Variants in ABCG1 observed in about 807,000 individuals in gnomAD.
The protein encoded by ABCG1 is ATP-binding cassette sub-family G member 1.
Under a neutral mutation model 69.2 loss-of-function variants are expected in ABCG1, and 29 were observed. The ratio of observed to expected loss-of-function variants is 0.42; its 90% CI spans 0.31 to 0.57. The LOEUF is 0.57. Ranked by LOEUF, ABCG1 falls within the 20% of genes least tolerant of loss-of-function variation. ABCG1 has a pLI of 0.15. For missense variants in ABCG1, 718 were observed against 898.1 expected, an observed-to-expected ratio of 0.80 and a Z score of 2.56; for synonymous variants, 370 against 374.8, an observed-to-expected ratio of 0.99 and a Z score of 0.15.
chr21:42,213,486 G>A (rs1468470275), upstream of ABCG1, among the ~76,000 whole-genome samples: 2 of 152,268 alleles, frequency 1.3e-5, no homozygotes, highest in Non-Finnish European at 2.9e-5. Flanking sequence ...CCACTGCAGA[G>A]AGCCCCCACC....
At position 42,276,852 on chromosome 21, in the gene ABCG1, G is replaced by T. The variant is rs771023413; in HGVS notation, c.538-43G>T. 6.2e-7 allele frequency: 1 copy of T among 1,609,472 alleles called. No homozygotes were observed. The highest frequency in any genetic ancestry group is 2.2e-5 in the East Asian group (1 of 44,844). ...GGGCATGAGGCTCACACTGCCAGTG[G>T]CCGTCTGTTCTGCTTCCACACTGTT... On this transcript the variant is annotated intron_variant, in intron 4 of 14. Coordinates refer to ENST00000398449, the MANE Select transcript of ABCG1 (RefSeq NM_016818.3). This position sits in a 1 kb window ranked among gnomAD's most constrained non-coding sequence, Gnocchi z 5.3.
intron 6 of ABCG1, among the ~76,000 whole-genome samples, chr21:42,283,706 GTGAAGTA>G (rs1569236407): frequency 4.7e-5 from 4 of 84,680 alleles, no homozygotes; most frequent in African/African-American, 2.3e-4. Context: ...CTGGACAGTT[GTGAAGTA>G]CCACCCACCA....
chr21:42,286,071 C>T, intron 8 of ABCG1, 77 bp downstream of exon 8: 1 of 983,282 alleles, frequency 1.0e-6, no homozygotes. Flanking sequence ...TAGCTGACGC[C>T]CCCAACTCAG....
intron 2 of ABCG1, among the ~76,000 whole-genome samples, chr21:42,227,183 C>A (rs949823012): frequency 3.3e-5 from 5 of 152,106 alleles, no homozygotes; most frequent in African/African-American, 1.2e-4. Flanking sequence ...TCTCAACAGA[C>A]AACAGTATAG....
upstream of ABCG1, among the ~76,000 whole-genome samples, chr21:42,212,709 T>A (rs868548239): frequency 0.021 from 2,976 of 144,068 alleles, 100 homozygotes; most frequent in African/African-American, 0.079. Flanking sequence ...AAACAGATTT[T>A]TTTTTTTTTT....
chr21:42,259,509 C>A, intron 2 of ABCG1: 1 of 1,544,310 alleles, frequency 6.5e-7, no homozygotes, highest in Non-Finnish European at 8.7e-7. Context: ...ACTCAAGGTG[C>A]ATTGACTGAG....
intron 2 of ABCG1, among the ~76,000 whole-genome samples, chr21:42,229,589 G>A (rs547271933): frequency 2.0e-4 from 30 of 152,186 alleles, no homozygotes; most frequent in African/African-American, 6.3e-4. Flanking sequence ...GCGTGGTGGC[G>A]AGTGCCTGTA....
At chr21:42,258,650 T>C (rs1485895974) in intron 2 of ABCG1, among the ~76,000 whole-genome samples, 2 of 152,020 alleles carry the variant, frequency 1.3e-5, no homozygotes, top group African/African-American at 2.4e-5. Context: ...CATCCCTCCA[T>C]CCATCCCTCC....
Position 42,285,872 on chromosome 21 carries a change from T to C in ABCG1, c.859-8T>C. Reference sequence around the variant, plus strand: ...GCTTGATCCCTTTTTCTCCTTCCTTTTTTCCAGCTTTACGTCCTGAGTCAA... The same window carrying C: ...GCTTGATCCCTTTTTCTCCTTCCTTCTTTCCAGCTTTACGTCCTGAGTCAA... On this transcript the variant is annotated splice_region_variant and splice_polypyrimidine_tract_variant and intron_variant, in intron 7 of 14. Transcript: ENST00000398449. 6.2e-7 allele frequency: 1 copy of C among 1,607,978 alleles called. No homozygotes were observed. The highest frequency in any genetic ancestry group is 1.1e-5 in the South Asian group (1 of 90,896).
In ABCG1 at chr21:42,288,392, G is replaced by A. The variant is rs978969117; in HGVS notation, c.1224+80G>A. ...AGACTCGTCCTGACGGAATGTGTTC[G>A]TTCATTCTCACATTGCTATAAAGAA... is the stretch of plus-strand genomic sequence containing the variant. On this transcript the variant is annotated intron_variant, in intron 10 of 14. Coordinates refer to ENST00000398449, the MANE Select transcript of ABCG1 (RefSeq NM_016818.3). This position sits in a 1 kb window ranked among gnomAD's most constrained non-coding sequence, Gnocchi z 4.8. 3.2e-5 allele frequency: 34 copies of A among 1,050,500 alleles called. No individual in the cohort carries two copies. In the Admixed American group the frequency reaches 4.0e-4, roughly 12 times the overall value. 65.1% of individuals were successfully genotyped at this position (1,050,500 alleles called of 1,614,324 possible).
chr21:42,260,270 C>T (rs779718148), intron 2 of ABCG1: 64 of 1,483,024 alleles, frequency 4.3e-5, no homozygotes, highest in African/African-American at 1.8e-4. Flanking sequence ...GCTTCCACCA[C>T]GGAGCCGAAT....
At chr21:42,230,605 T>C (rs2067886438) in intron 2 of ABCG1, among the ~76,000 whole-genome samples, 1 of 152,190 alleles carries the variant, frequency 6.6e-6, no homozygotes, top group Non-Finnish European at 1.5e-5. Context: ...AAATTCTTCT[T>C]AGGTAAAGAT....
upstream of ABCG1, among the ~76,000 whole-genome samples, chr21:42,212,484 C>A (rs59793609): frequency 0.023 from 3,424 of 152,018 alleles, 124 homozygotes; most frequent in African/African-American, 0.077. Flanking sequence ...AAATGAGGAA[C>A]GTGTTACTGG....
Position 42,287,617 on chromosome 21 carries a change from C to T in ABCG1, c.974-272C>T, listed in dbSNP as rs1167464551. On this transcript the variant is annotated intron_variant, in intron 8 of 14. Coordinates refer to ENST00000398449, the MANE Select transcript of ABCG1 (RefSeq NM_016818.3). The surrounding 1 kb of genome is among the most constrained non-coding windows in gnomAD (Gnocchi z 6.2). ...AGTAAGTACCGGCTGGATGAGCAGT[C>T]GGTAGATGCAGGAGCTCATTACTTC... 3.3e-5 allele frequency among the ~76,000 whole-genome samples: 5 copies of T among 152,164 alleles called. No homozygotes were observed. Among genetic ancestry groups the T allele is most frequent in the Admixed American group, 6.5e-5 (1 of 15,284 alleles).
chr21:42,248,287 G>T (rs1257004140), intron 2 of ABCG1, among the ~76,000 whole-genome samples: 1 of 152,224 alleles, frequency 6.6e-6, no homozygotes, highest in East Asian at 1.9e-4. Flanking sequence ...GAGGATTGGT[G>T]TGAGAGTGGA....
chr21:42,211,725 CA>C (rs372775582), upstream of ABCG1, among the ~76,000 whole-genome samples: 10,536 of 137,386 alleles, frequency 0.077, 434 homozygotes, highest in East Asian at 0.23. Flanking sequence ...ACTAAAAATA[CA>C]AAAAAAAAAA....
intron 2 of ABCG1, among the ~76,000 whole-genome samples, chr21:42,205,157 G>T (rs557426598): frequency 6.6e-6 from 1 of 152,236 alleles, no homozygotes; most frequent in East Asian, 1.9e-4. Context: ...GTTGTCAAAT[G>T]CATGATTGCA....
intron 5 of ABCG1, 69 bp from the exon 6 acceptor site, chr21:42,282,205 T>C: frequency 6.4e-7 from 1 of 1,563,064 alleles, no homozygotes; most frequent in Non-Finnish European, 8.7e-7. Context: ...CAGGTCTTCC[T>C]GCATGGGCCA....
chr21:42,271,400 G>A (rs2068615191), intron 3 of ABCG1, among the ~76,000 whole-genome samples: 1 of 152,192 alleles, frequency 6.6e-6, no homozygotes, highest in Non-Finnish European at 1.5e-5. Flanking sequence ...GGAGACAGTG[G>A]CCACAGCAGC....
Sources: allele counts gnomAD v4.1 joint callset (sites outside exome capture counted in the v4.1 genomes callset), GRCh38; gene constraint gnomAD v4.1.1; non-coding constraint Gnocchi (gnomAD v3.1); transcripts MANE v1.5; gene names NCBI Gene and HGNC (gene_info 2026-07-23, HGNC 2026-07-21).